SLC25A26: variants seen among roughly 807,000 people sequenced by gnomAD.
The protein encoded by SLC25A26 is solute carrier family 25 member 26.
SLC25A26 carries 36 observed loss-of-function variants against 37.8 expected under a neutral mutation model. That is an observed-to-expected ratio of 0.95 (90% CI 0.73 to 1.26). The LOEUF is 1.26. SLC25A26 is among the 50% of genes most tolerant of loss of function. The pLI, the probability that SLC25A26 is intolerant of heterozygous loss-of-function variation, is 0.00. For missense variants in SLC25A26, 390 were observed against 331.1 expected (o/e 1.18, Z -1.38); for synonymous variants, 129 against 122.5 (o/e 1.05, Z -0.35).
intron 5 of SLC25A26, among the ~76,000 whole-genome samples, chr3:66,304,082 T>A (rs761661719): frequency 6.6e-6 from 1 of 152,232 alleles, no homozygotes; most frequent in Non-Finnish European, 1.5e-5. Flanking sequence ...CTGGTTTTTC[T>A]AAGAACTCAC....
intron 5 of SLC25A26, among the ~76,000 whole-genome samples, chr3:66,345,749 T>A (rs751568250): frequency 1.3e-5 from 2 of 152,204 alleles, no homozygotes; most frequent in Non-Finnish European, 2.9e-5. Flanking sequence ...GTAGACAGCC[T>A]TGGCTCTTAA....
chr3:66,236,345 T>C (rs1318014367), intron 1 of SLC25A26, among the ~76,000 whole-genome samples, 199 bp from the exon 2 acceptor site: 2 of 151,120 alleles, frequency 1.3e-5, no homozygotes, highest in Non-Finnish European at 2.9e-5. Flanking sequence ...AACTTAAAAA[T>C]ATAGCACAAT....
Position 66,170,552 on chromosome 3 carries a change from C to T in SLC25A26, c.-354+36568C>T, listed in dbSNP as rs193099786. On this transcript the variant is annotated intron_variant, in intron 1 of 10. Coordinates refer to the SLC25A26 transcript ENST00000676754. ...TATATATACTAACTCAATTTTAATA[C>T]AATCCTCCTAAGAATGTATGAGGTA... Among the ~76,000 whole-genome samples the T allele has an allele frequency of 4.6e-4, 70 of 152,294 alleles. No individual in the cohort carries two copies. The East Asian group carries it at 6.6e-3, about 14-fold the overall frequency.
chr3:66,236,444 G>A, intron 1 of SLC25A26, 100 bp from the exon 2 acceptor site: 2 of 885,624 alleles, frequency 2.3e-6, no homozygotes, highest in Non-Finnish European at 3.2e-6. Flanking sequence ...TGAGAAATGT[G>A]CTTTAAAGAC....
intron 1 of SLC25A26, among the ~76,000 whole-genome samples, chr3:66,179,758 C>T (rs2070661927): frequency 6.6e-6 from 1 of 151,878 alleles, no homozygotes; most frequent in South Asian, 2.1e-4. Flanking sequence ...GCCTTCATTA[C>T]ATTTGCAAAC....
chr3:66,171,144 A>C (rs2070492995), intron 1 of SLC25A26, among the ~76,000 whole-genome samples: 1 of 152,202 alleles, frequency 6.6e-6, no homozygotes, highest in Non-Finnish European at 1.5e-5. Flanking sequence ...GTGTTAGAAG[A>C]GTTGGCAGCA....
chr3:66,216,804 A>C (rs1207412675), upstream of SLC25A26, among the ~76,000 whole-genome samples: 2 of 152,172 alleles, frequency 1.3e-5, no homozygotes, highest in African/African-American at 2.4e-5. Context: ...ATCAGTGCTT[A>C]CCACATTGCC....
chr3:66,230,805 C>A (rs1358816364), intron 1 of SLC25A26, among the ~76,000 whole-genome samples: 44 of 53,910 alleles, frequency 8.2e-4, no homozygotes, highest in East Asian at 3.4e-3. Flanking sequence ...AACTCTGTCT[C>A]AAAAAAAAAA....
At chr3:66,140,952 G>T (rs1446286919) in intron 1 of SLC25A26, among the ~76,000 whole-genome samples, 1 of 151,852 alleles carries the variant, frequency 6.6e-6, no homozygotes, top group East Asian at 1.9e-4. Flanking sequence ...ACTTACTTGT[G>T]GTTACTGTGG....
chr3:66,168,171 A>ATG (rs1418271985), intron 1 of SLC25A26, among the ~76,000 whole-genome samples: 23 of 64,962 alleles, frequency 3.5e-4, no homozygotes, highest in African/African-American at 2.0e-3. Context: ...ATATATATAT[A>ATG]TATATGTGTG....
chr3:66,354,320 A>G (rs575140251), intron 6 of SLC25A26, among the ~76,000 whole-genome samples: 1 of 152,362 alleles, frequency 6.6e-6, no homozygotes, highest in East Asian at 1.9e-4. Context: ...CAGTATTTAA[A>G]GCAAAATGAA....
intron 1 of SLC25A26, among the ~76,000 whole-genome samples, chr3:66,224,605 CT>C (rs1194941947): frequency 3.3e-5 from 5 of 152,190 alleles, no homozygotes; most frequent in East Asian, 1.9e-4. Flanking sequence ...CATTCCACCC[CT>C]GGCCTCTCCC....
chr3:66,152,018 G>A (rs538832124), intron 1 of SLC25A26, among the ~76,000 whole-genome samples: 1 of 152,284 alleles, frequency 6.6e-6, no homozygotes, highest in African/African-American at 2.4e-5. Flanking sequence ...ATGTAACAGG[G>A]CATCTAATCA....
intron 1 of SLC25A26, among the ~76,000 whole-genome samples, chr3:66,223,597 C>T (rs1196888230): frequency 6.6e-6 from 1 of 152,132 alleles, no homozygotes; most frequent in African/African-American, 2.4e-5. Flanking sequence ...TTACCAGTAC[C>T]TGGCACTAGG....
intron 1 of SLC25A26, among the ~76,000 whole-genome samples, chr3:66,140,925 A>G (rs2070024112): frequency 6.6e-6 from 1 of 152,042 alleles, no homozygotes; most frequent in Non-Finnish European, 1.5e-5. Context: ...TCTTGCTTTT[A>G]ACTTCTGCTC....
At chr3:66,367,669 G>T (rs1420712110) in intron 7 of SLC25A26, among the ~76,000 whole-genome samples, 3 of 144,346 alleles carry the variant, frequency 2.1e-5, no homozygotes, top group Non-Finnish European at 4.4e-5. Flanking sequence ...TTTCTTGGGG[G>T]AGATAGATAG....
intron 5 of SLC25A26, among the ~76,000 whole-genome samples, chr3:66,288,029 G>A (rs2074572912): frequency 1.3e-5 from 2 of 152,214 alleles, no homozygotes; most frequent in Admixed American, 1.3e-4. Flanking sequence ...GTAGGGTACA[G>A]AGGTGTAGAA....
At chr3:66,204,446 AAG>A in intron 1 of SLC25A26, among the ~76,000 whole-genome samples, 10 of 148,146 alleles carry the variant, frequency 6.8e-5, no homozygotes, top group South Asian at 2.1e-4. Flanking sequence ...AAAAGAAAAA[AAG>A]AAAAAAGAAA....
chr3:66,351,874 G>C (rs543780589), intron 6 of SLC25A26, among the ~76,000 whole-genome samples: 4 of 152,096 alleles, frequency 2.6e-5, no homozygotes, highest in African/African-American at 9.6e-5. Flanking sequence ...TTGCTACACT[G>C]GCCTCTCCAG....
Sources: gnomAD v4.1 joint callset for allele counts (sites outside exome capture counted in the v4.1 genomes callset) on GRCh38, gnomAD v4.1.1 for gene constraint, MANE v1.5 for transcripts, NCBI Gene and HGNC (gene_info 2026-07-23, HGNC 2026-07-21) for gene names.